Variants in PPEF1 observed in about 807,000 individuals in gnomAD.
PPEF1 encodes serine/threonine-protein phosphatase with EF-hands 1.
PPEF1 carries 12 observed loss-of-function variants against 53.3 expected under a neutral mutation model. The ratio of observed to expected loss-of-function variants is 0.23; its 90% CI spans 0.14 to 0.36. The LOEUF (loss-of-function observed/expected upper bound fraction) is 0.36. Among genes scored for constraint, PPEF1 ranks in the 10% least tolerant of loss-of-function variants. The pLI is 1.00. For synonymous variants in PPEF1, 165 were observed against 176.7 expected (o/e 0.93, Z 0.52); for missense variants, 334 against 490.4 (o/e 0.68, Z 3.01).
At chrX:18,761,392 C>G in intron 5 of PPEF1, 138 bp from the exon 6 acceptor site, 2 of 522,383 alleles carry the variant, frequency 3.8e-6, no homozygotes, top group Non-Finnish European at 6.7e-6. Flanking sequence ...AGACAAATTG[C>G]CTGTCAAATT....
chrX:18,700,774 A>G (rs1217835633), intron 6 of PPEF1, among the ~76,000 whole-genome samples: 2 of 112,093 alleles, frequency 1.8e-5, no homozygotes, highest in African/African-American at 6.5e-5. Context: ...GTATTCTCCA[A>G]ACTCCACTGC....
At chrX:18,771,772 A>G (rs1254080291) in intron 6 of PPEF1, among the ~76,000 whole-genome samples, 1 of 111,674 alleles carries the variant, frequency 9.0e-6, no homozygotes, top group East Asian at 2.8e-4. Context: ...TGATGAGCAC[A>G]TATTTTGTAT....
rs746217885 is a variant in PPEF1, at chrX:18,684,623, C to CT, written c.-637-13dup. Among the ~76,000 whole-genome samples, 482 of 100,746 alleles carry CT rather than the reference C, an allele frequency of 4.8e-3. 3 individuals carry two copies. The highest frequency in any genetic ancestry group is 0.015 in the Middle Eastern group (3 of 194). The allele number at this position is 100,746 out of a possible 115,157, so 87.5% of individuals were successfully genotyped here. ...GTGTCTAGTATCTTTTTCTCTCTCT[C>CT]TTTTTTTTTTTTTTTTAATTTGAGG... On this transcript the variant is annotated intron_variant, in intron 1 of 21. Transcript: ENST00000361511.
chrX:18,806,173 G>A (rs888253424), intron 11 of PPEF1, among the ~76,000 whole-genome samples: 1 of 111,642 alleles, frequency 9.0e-6, no homozygotes, highest in Non-Finnish European at 1.9e-5. Flanking sequence ...AGGGCCATGC[G>A]CTGAGGACAT....
At chrX:18,718,098 A>G (rs138532455) in intron 1 of PPEF1, among the ~76,000 whole-genome samples, 4,319 of 111,963 alleles carry the variant, frequency 0.039, 230 homozygotes, top group African/African-American at 0.13. Flanking sequence ...TAATGCCTGT[A>G]TGAAACAGAC....
chrX:18,735,240 C>T (rs2044946476), intron 3 of PPEF1, among the ~76,000 whole-genome samples: 1 of 111,539 alleles, frequency 9.0e-6, no homozygotes, highest in South Asian at 3.8e-4. Context: ...AGGTTTTCTT[C>T]TAGGGTTTTT....
rs944118379 is a variant in PPEF1 at position 18,806,608 on chromosome X, C to T, written c.1394+63C>T. On this transcript the variant is annotated intron_variant, in intron 12 of 15. Coordinates refer to ENST00000470157, the MANE Select transcript of PPEF1 (RefSeq NM_001377996.1). ...CACGGACCCATTAGAACCAGTCCCA[C>T]GTGACTAAGAGCAGCCACGTGAGTG... 13 of 1,028,144 alleles carry T rather than the reference C, an allele frequency of 1.3e-5. No homozygotes were observed. The South Asian group carries it at 1.9e-4, about 15-fold the overall frequency. 84.7% of individuals were successfully genotyped at this position (1,028,144 alleles called of 1,213,427 possible).
chrX:18,688,733 T>A (rs112186397), intron 3 of PPEF1: 1 of 112,685 alleles, frequency 8.9e-6, no homozygotes, highest in African/African-American at 3.2e-5. Context: ...AATTGTAGAA[T>A]TAATACATTT....
chrX:18,679,434 A>C (rs1271634075), upstream of PPEF1, among the ~76,000 whole-genome samples: 1 of 111,690 alleles, frequency 9.0e-6, no homozygotes, highest in Non-Finnish European at 1.9e-5. Context: ...TTTAGGCCTA[A>C]AACTAAGAAT....
chrX:18,766,888 AAATAC>A (rs1435038130), intron 6 of PPEF1, among the ~76,000 whole-genome samples: 1 of 74,886 alleles, frequency 1.3e-5, no homozygotes, highest in Non-Finnish European at 2.9e-5. Flanking sequence ...ATTCTCTACT[AAATAC>A]AAAAAAAAAT....
At chrX:18,697,542 C>T (rs998184885) in intron 4 of PPEF1, among the ~76,000 whole-genome samples, 17 of 110,794 alleles carry the variant, frequency 1.5e-4, no homozygotes, top group African/African-American at 4.9e-4. Context: ...GGAAGCCTTC[C>T]GTCATCCCCC....
intron 12 of PPEF1, 63 bp downstream of exon 12, chrX:18,806,608 C>A (rs944118379): frequency 4.3e-5 from 44 of 1,026,357 alleles, no homozygotes; most frequent in Non-Finnish European, 5.2e-6. Context: ...ACCAGTCCCA[C>A]GTGACTAAGA....
At chrX:18,686,405 C>T (rs1929079803) in intron 3 of PPEF1, among the ~76,000 whole-genome samples, 1 of 111,507 alleles carries the variant, frequency 9.0e-6, no homozygotes, top group Admixed American at 9.6e-5. Context: ...AGCACTCTCT[C>T]CAGGTACCCC....
At chrX:18,744,636 C>T (rs773030293) in intron 3 of PPEF1, among the ~76,000 whole-genome samples, 8 of 111,628 alleles carry the variant, frequency 7.2e-5, no homozygotes, top group Non-Finnish European at 1.5e-4. Context: ...AATGTCCTAT[C>T]GGACCAGGTA....
intron 2 of PPEF1, 75 bp downstream of exon 2, chrX:18,730,383 T>G (rs1425889557): frequency 9.0e-7 from 1 of 1,114,258 alleles, no homozygotes. Context: ...GAATGAAAGT[T>G]TGGGTCCATT....
At chrX:18,693,182 A>G in intron 4 of PPEF1, among the ~76,000 whole-genome samples, 1 of 112,217 alleles carries the variant, frequency 8.9e-6, no homozygotes, top group Non-Finnish European at 1.9e-5. Flanking sequence ...ACAGTGTCTC[A>G]TGGTTTCCAC....
chrX:18,750,405 C>A (rs2045419732), intron 4 of PPEF1, among the ~76,000 whole-genome samples: 1 of 111,937 alleles, frequency 8.9e-6, no homozygotes, highest in African/African-American at 3.3e-5. Flanking sequence ...TAAATGAAAT[C>A]ATCAAATATA....
intron 4 of PPEF1, chrX:18,691,415 A>G (rs2147242116): frequency 9.0e-6 from 1 of 111,458 alleles, no homozygotes; most frequent in Admixed American, 9.6e-5. Context: ...GGATCAGAGT[A>G]TCTTACCACA....
chrX:18,731,159 T>A (rs2044829802), intron 2 of PPEF1, among the ~76,000 whole-genome samples: 2 of 111,945 alleles, frequency 1.8e-5, no homozygotes, highest in South Asian at 7.4e-4. Flanking sequence ...ATATGTAGAG[T>A]TTATCTCATT....
Sources: allele counts gnomAD v4.1 joint callset (sites outside exome capture counted in the v4.1 genomes callset), GRCh38; gene constraint gnomAD v4.1.1; transcripts MANE v1.5; gene names NCBI Gene and HGNC (gene_info 2026-07-23, HGNC 2026-07-21).